The following MAL variants were observed in gnomAD, a reference collection of about 807,000 sequenced individuals.
MAL encodes myelin and lymphocyte protein.
MAL carries 5 observed loss-of-function variants against 16.7 expected under a neutral mutation model. The ratio of observed to expected loss-of-function variants is 0.30; its 90% CI spans 0.16 to 0.63. MAL has a LOEUF of 0.63. Among genes scored for constraint, MAL ranks in the 30% least tolerant of loss-of-function variants. The pLI is 0.82. For missense variants in MAL, 202 were observed against 195.8 expected (o/e 1.03, Z -0.19); for synonymous variants, 96 against 85.5 (o/e 1.12, Z -0.67).
At chr2:95,033,310 AGGGAGC>A (rs946777355) in intron 1 of MAL, among the ~76,000 whole-genome samples, 5 of 152,304 alleles carry the variant, frequency 3.3e-5, no homozygotes, top group African/African-American at 7.2e-5. Flanking sequence ...TCTGCCGAAG[AGGGAGC>A]GGGATCCTTT....
chr2:95,033,691 A>C (rs1373234499), intron 1 of MAL, among the ~76,000 whole-genome samples: 2 of 152,102 alleles, frequency 1.3e-5, no homozygotes, highest in Non-Finnish European at 2.9e-5. Context: ...GGATGGGAGG[A>C]TTGCTTGAGC....
intron 3 of MAL, among the ~76,000 whole-genome samples, chr2:95,052,670 G>C (rs2104365230): frequency 6.6e-6 from 1 of 152,308 alleles, no homozygotes; most frequent in East Asian, 1.9e-4. Flanking sequence ...TCAGGGAGTA[G>C]GGTGATGGGA....
intron 1 of MAL, chr2:95,044,394 A>G (rs912908375): frequency 3.9e-5 from 6 of 152,254 alleles, no homozygotes; most frequent in African/African-American, 1.4e-4. Flanking sequence ...GGGGAACTGC[A>G]TGGGCTGTGA....
chr2:95,035,013 T>C (rs1263208360), intron 1 of MAL, among the ~76,000 whole-genome samples: 1 of 152,194 alleles, frequency 6.6e-6, no homozygotes, highest in Non-Finnish European at 1.5e-5. Flanking sequence ...GTCTCCTCTC[T>C]CACCTACCTA....
chr2:95,038,236 C>G (rs1445012118), intron 1 of MAL, among the ~76,000 whole-genome samples: 19 of 105,738 alleles, frequency 1.8e-4, no homozygotes, highest in African/African-American at 3.1e-4. Context: ...GACTGAGTGA[C>G]TGAGTGTGTG....
intron 1 of MAL, among the ~76,000 whole-genome samples, chr2:95,036,899 G>A (rs1377041813): frequency 6.6e-5 from 10 of 151,942 alleles, no homozygotes; most frequent in Admixed American, 6.5e-4. Flanking sequence ...GTGGGTGAGT[G>A]AGTGACTGAG....
At chr2:95,049,775 C>T in intron 3 of MAL, 69 bp downstream of exon 3, 1 of 1,591,288 alleles carries the variant, frequency 6.3e-7, no homozygotes. Context: ...TGTGTGGAGG[C>T]TGCCTAGGCC....
chr2:95,027,783 C>G (rs1673978928), intron 1 of MAL, among the ~76,000 whole-genome samples: 1 of 152,180 alleles, frequency 6.6e-6, no homozygotes, highest in Admixed American at 6.5e-5. Context: ...GCGATCTTGG[C>G]TCACTGCAGG....
At chr2:95,031,527 TGGGG>T (rs2104330651) in intron 1 of MAL, among the ~76,000 whole-genome samples, 1 of 152,302 alleles carries the variant, frequency 6.6e-6, no homozygotes, top group Admixed American at 6.5e-5. Flanking sequence ...GATATTTTTA[TGGGG>T]GATAGAATAG....
intron 1 of MAL, among the ~76,000 whole-genome samples, chr2:95,039,328 C>CTGAGTGAGTGAGTGAGTGAGTGAG (rs1170081356): frequency 1.2e-5 from 1 of 83,258 alleles, no homozygotes; most frequent in African/African-American, 4.9e-5. Context: ...GAGTGAGTGA[C>CTGAGTGAGTGAGTGAGTGAGTGAG]TGAGTGAGTG....
At chr2:95,046,988 A>G (rs1415740829) in intron 1 of MAL, among the ~76,000 whole-genome samples, 2 of 150,486 alleles carry the variant, frequency 1.3e-5, no homozygotes, top group African/African-American at 4.9e-5. Context: ...AAGAAAGAAA[A>G]AGAAGGAAGG....
chr2:95,029,786 T>G (rs1462363711), intron 1 of MAL, among the ~76,000 whole-genome samples: 1 of 152,156 alleles, frequency 6.6e-6, no homozygotes, highest in Admixed American at 6.5e-5. Flanking sequence ...CTCTGCCTAA[T>G]TTTGTATTCT....
chr2:95,033,581 C>G (rs1187306611), intron 1 of MAL, among the ~76,000 whole-genome samples: 2 of 152,022 alleles, frequency 1.3e-5, no homozygotes, highest in African/African-American at 4.8e-5. Flanking sequence ...AGTTTGAGAT[C>G]AGCCTGGGCA....
At chr2:95,051,658 T>C (rs1674724339) in intron 3 of MAL, 1 of 152,168 alleles carries the variant, frequency 6.6e-6, no homozygotes, top group Non-Finnish European at 1.5e-5. Context: ...TATTTATCCA[T>C]CCCATGACTG....
chr2:95,038,763 A>T (rs1159226796), intron 1 of MAL, among the ~76,000 whole-genome samples: 1 of 151,534 alleles, frequency 6.6e-6, no homozygotes, highest in African/African-American at 2.4e-5. Flanking sequence ...TGACTGAGTG[A>T]GTGACTGAGT....
chr2:95,033,594 A>G (rs765101950), intron 1 of MAL, among the ~76,000 whole-genome samples: 16 of 152,104 alleles, frequency 1.1e-4, no homozygotes, highest in Non-Finnish European at 2.4e-4. Context: ...CCTGGGCAAC[A>G]TAGCAAGACC....
rs1674769594 is a variant in MAL at position 95,053,612 on chromosome 2, C to T, written c.*157C>T. On this transcript the variant is annotated 3_prime_UTR_variant, in exon 4 of 4. Coordinates refer to ENST00000309988, the MANE Select transcript of MAL (RefSeq NM_002371.4). ...AAAAAAAAAGCCCTGCCCTGTTGCTCGTGGGTGCTGTGTTTACTCTCCCGT... is the reference window on the plus strand; with the variant it reads ...AAAAAAAAAGCCCTGCCCTGTTGCTTGTGGGTGCTGTGTTTACTCTCCCGT... The T allele has an allele frequency of 9.5e-6, 6 of 630,570 alleles. No individual in the cohort carries two copies. The highest frequency in any genetic ancestry group is 2.9e-5 in the Admixed American group (1 of 34,852). The allele number at this position is 630,570 out of a possible 1,614,324, so 39.1% of individuals were successfully genotyped here. A position where few individuals can be genotyped will look rare whatever the true frequency, so the allele number is the denominator to read the frequency against.
chr2:95,041,500 C>T (rs1420402565), intron 1 of MAL, among the ~76,000 whole-genome samples: 1 of 152,222 alleles, frequency 6.6e-6, no homozygotes, highest in African/African-American at 2.4e-5. Context: ...GCTGCTTCAT[C>T]TAATGACAGT....
At chr2:95,037,178 T>G (rs1674241999) in intron 1 of MAL, among the ~76,000 whole-genome samples, 1 of 149,632 alleles carries the variant, frequency 6.7e-6, no homozygotes, top group African/African-American at 2.5e-5. Flanking sequence ...AGTGACTGAG[T>G]GAGTGACTGA....
Sources: allele counts gnomAD v4.1 joint callset (sites outside exome capture counted in the v4.1 genomes callset), GRCh38; gene constraint gnomAD v4.1.1; transcripts MANE v1.5; gene names NCBI Gene and HGNC (gene_info 2026-07-23, HGNC 2026-07-21).